Variants in KLF7 observed in about 807,000 individuals in gnomAD.
KLF7 encodes KLF transcription factor 7.
A neutral mutation model predicts 27.3 loss-of-function variants in KLF7; 2 were observed. The observed-to-expected ratio is 0.07, with a 90% confidence interval of 0.03 to 0.23. The LOEUF (loss-of-function observed/expected upper bound fraction) is 0.23, where lower values mean the gene tolerates loss of function less well. Ranked by LOEUF, KLF7 falls within the 10% of genes least tolerant of loss-of-function variation. KLF7 has a pLI of 1.00. For missense variants in KLF7, 221 were observed against 394.1 expected, an observed-to-expected ratio of 0.56 and a Z score of 3.72; for synonymous variants, 165 against 162.4, an observed-to-expected ratio of 1.02 and a Z score of -0.12.
At chr2:207,124,470 T>A in intron 1 of KLF7, 66 bp from the exon 2 acceptor site, 2 of 1,451,864 alleles carry the variant, frequency 1.4e-6, no homozygotes, top group Non-Finnish European at 1.9e-6. Context: ...AGGCCACACG[T>A]TGACAGGCAG....
chr2:207,101,261 G>A (rs1156391739), intron 2 of KLF7, among the ~76,000 whole-genome samples: 1 of 152,210 alleles, frequency 6.6e-6, no homozygotes, highest in African/African-American at 2.4e-5. Context: ...AGAGATTAAA[G>A]CTAAATGGAA....
intron 1 of KLF7, among the ~76,000 whole-genome samples, chr2:207,130,766 T>C (rs1286871815): frequency 2.0e-5 from 3 of 152,236 alleles, no homozygotes; most frequent in African/African-American, 7.2e-5. Context: ...ATTGGTGCAA[T>C]ATTTTTGCTA....
chr2:207,158,247 A>G (rs757224945), intron 1 of KLF7, among the ~76,000 whole-genome samples: 9 of 152,188 alleles, frequency 5.9e-5, no homozygotes, highest in Non-Finnish European at 1.2e-4. Context: ...AAACTGGGGC[A>G]AAAAAGTCAA....
chr2:207,116,998 T>C (rs1348975218), intron 2 of KLF7, among the ~76,000 whole-genome samples: 2 of 152,192 alleles, frequency 1.3e-5, no homozygotes, highest in African/African-American at 2.4e-5. Context: ...GACTAGTGTA[T>C]GTACAGTGGG....
chr2:207,084,311 G>T (rs2076339569), intron 3 of KLF7, among the ~76,000 whole-genome samples: 1 of 152,100 alleles, frequency 6.6e-6, no homozygotes, highest in East Asian at 1.9e-4. Flanking sequence ...GAGTATTCTT[G>T]ATACAGAACT....
At chr2:207,155,894 A>G (rs2078368766) in intron 1 of KLF7, among the ~76,000 whole-genome samples, 1 of 152,192 alleles carries the variant, frequency 6.6e-6, no homozygotes, top group African/African-American at 2.4e-5. Context: ...TTGTATGCTG[A>G]GCAAATTTGC....
chr2:207,114,633 C>T (rs562726646), intron 2 of KLF7, among the ~76,000 whole-genome samples: 1 of 152,278 alleles, frequency 6.6e-6, no homozygotes, highest in East Asian at 1.9e-4. Context: ...TGCTAGACTC[C>T]TAGAACCACT....
chr2:207,085,455 C>G (rs1202139297), intron 3 of KLF7, among the ~76,000 whole-genome samples: 1 of 152,166 alleles, frequency 6.6e-6, no homozygotes, highest in Non-Finnish European at 1.5e-5. Context: ...CCATCAGCAG[C>G]CTCCAACTCT....
rs1231413667 is a variant in KLF7, at chr2:207,124,088, G to A, written c.419C>T (p.Ser140Leu). 5 of 1,614,196 alleles carry A rather than the reference G, an allele frequency of 3.1e-6. No individual in the cohort carries two copies. The highest frequency in any genetic ancestry group is 4.5e-5 in the East Asian group (2 of 44,862). ...LNAVTSLTPP[S>L]SPELSRHLVK... ...CAGATGGCGGCTGAGCTCAGGGGAC[G>A]ATGGGGGCGTTAATGAGGTCACTGC... Residue 140 changes from serine to leucine, a missense_variant, in exon 2 of 4, where the codon TCG becomes TTG. Coordinates refer to ENST00000309446, the MANE Select transcript of KLF7 (RefSeq NM_003709.4).
At chr2:207,124,457 A>G (rs2077426138) in intron 1 of KLF7, 53 bp from the exon 2 acceptor site, 3 of 1,495,476 alleles carry the variant, frequency 2.0e-6, no homozygotes, top group Non-Finnish European at 2.7e-6. Context: ...ACAGAACACC[A>G]TGAGGCCACA....
intron 1 of KLF7, among the ~76,000 whole-genome samples, chr2:207,131,845 A>G (rs1207466491): frequency 6.6e-6 from 1 of 152,186 alleles, no homozygotes; most frequent in Non-Finnish European, 1.5e-5. Context: ...TACTATGCTT[A>G]ATAAACTCAG....
At chr2:207,115,272 T>A (rs1163974931) in intron 2 of KLF7, among the ~76,000 whole-genome samples, 1 of 152,246 alleles carries the variant, frequency 6.6e-6, no homozygotes, top group South Asian at 2.1e-4. Context: ...CATTCTGATC[T>A]TTCCTCCCCT....
intron 1 of KLF7, among the ~76,000 whole-genome samples, chr2:207,162,264 T>A (rs1444346996): frequency 6.6e-6 from 1 of 152,242 alleles, no homozygotes; most frequent in East Asian, 1.9e-4. Flanking sequence ...AAACTCTGGT[T>A]TCTGTCCTAC....
chr2:207,165,890 C>A lies in KLF7; in HGVS notation c.-322G>T. 8.6e-7 allele frequency: 1 copy of A among 1,161,304 alleles called. No homozygotes were observed. Among genetic ancestry groups the A allele is most frequent in the East Asian group, 4.2e-5 (1 of 23,966 alleles). The allele number at this position is 1,161,304 out of a possible 1,614,324, so 71.9% of individuals were successfully genotyped here. A position where few individuals can be genotyped will look rare whatever the true frequency, so the allele number is the denominator to read the frequency against. On this transcript the variant is annotated 5_prime_UTR_variant, in exon 1 of 4. Transcript: ENST00000309446. ...GCTCTAATCACTCCAGCTCGTGGAT[C>A]AGGAAGGGGGATGCAAACTCACTGA...
chr2:207,150,589 C>T (rs865805536), intron 1 of KLF7, among the ~76,000 whole-genome samples: 1 of 152,194 alleles, frequency 6.6e-6, no homozygotes, highest in Non-Finnish European at 1.5e-5. Flanking sequence ...TTGATTAGAG[C>T]AATCCTACTA....
At chr2:207,145,123 G>A (rs763058226) in intron 1 of KLF7, among the ~76,000 whole-genome samples, 26 of 152,196 alleles carry the variant, frequency 1.7e-4, no homozygotes, top group Admixed American at 3.3e-4. Flanking sequence ...CACCACTGAT[G>A]ACCATAACTA....
At chr2:207,131,995 T>G (rs2077649753) in intron 1 of KLF7, among the ~76,000 whole-genome samples, 1 of 152,160 alleles carries the variant, frequency 6.6e-6, no homozygotes, top group Non-Finnish European at 1.5e-5. Context: ...CATGAACCAG[T>G]GCAAGCATCC....
intron 2 of KLF7, among the ~76,000 whole-genome samples, chr2:207,122,353 C>A (rs753605504): frequency 1.3e-5 from 2 of 152,158 alleles, no homozygotes; most frequent in Non-Finnish European, 2.9e-5. Context: ...GCAGTACAGG[C>A]CCAAGTCCTG....
chr2:207,160,038 T>C (rs929910064), intron 1 of KLF7, among the ~76,000 whole-genome samples: 1 of 152,220 alleles, frequency 6.6e-6, no homozygotes, highest in Non-Finnish European at 1.5e-5. Flanking sequence ...GAATTTTAGA[T>C]AGAATAAGGA....
Sources: gnomAD v4.1 joint callset for allele counts (sites outside exome capture counted in the v4.1 genomes callset) on GRCh38, gnomAD v4.1.1 for gene constraint, MANE v1.5 for transcripts, NCBI Gene and HGNC (gene_info 2026-07-23, HGNC 2026-07-21) for gene names.